TCP11L1: variants seen among roughly 807,000 people sequenced by gnomAD.
TCP11L1 encodes t-complex 11 like 1, also known as T-complex protein 11-like protein 1.
Under a neutral mutation model 48.9 loss-of-function variants are expected in TCP11L1, and 28 were observed. That is an observed-to-expected ratio of 0.57 (90% CI 0.42 to 0.78). The LOEUF is 0.78. Ranked by LOEUF, TCP11L1 falls within the 30% of genes least tolerant of loss-of-function variation. The probability of loss-of-function intolerance (pLI) is 0.00; values close to 1 mark genes in which losing one functional copy is unlikely to be tolerated. For synonymous variants in TCP11L1, 204 were observed against 231.9 expected (o/e 0.88, Z 1.09); for missense variants, 505 against 613.4 (o/e 0.82, Z 1.87).
chr11:33,053,158 T>C (rs1854213248), intron 2 of TCP11L1, among the ~76,000 whole-genome samples: 2 of 151,100 alleles, frequency 1.3e-5, no homozygotes, highest in Admixed American at 6.6e-5. Flanking sequence ...TTTTTTTTTT[T>C]TTTTTTGAGA....
chr11:33,054,790 T>C (rs927324685), intron 3 of TCP11L1, 65 bp downstream of exon 3: 3 of 1,545,192 alleles, frequency 1.9e-6, no homozygotes, highest in Non-Finnish European at 2.6e-6. Context: ...TGAAAATGTT[T>C]CCTTCAGTTG....
chr11:33,065,745 G>A, intron 7 of TCP11L1, 85 bp from the exon 8 acceptor site: 1 of 1,442,810 alleles, frequency 6.9e-7, no homozygotes, highest in Non-Finnish European at 9.5e-7. Flanking sequence ...AGCTGCAGAG[G>A]CAGGTGTGGG....
chr11:33,069,220 G>T (rs187762829), intron 9 of TCP11L1, among the ~76,000 whole-genome samples: 1 of 152,152 alleles, frequency 6.6e-6, no homozygotes, highest in Non-Finnish European at 1.5e-5. Context: ...AGCGCTTTCC[G>T]TAGTGCCTGG....
intron 2 of TCP11L1, among the ~76,000 whole-genome samples, chr11:33,046,672 A>G (rs1193332905): frequency 6.6e-6 from 1 of 152,228 alleles, no homozygotes; most frequent in Non-Finnish European, 1.5e-5. Flanking sequence ...CAGGGCTATA[A>G]ACCCAAAAGA....
Position 33,057,102 on chromosome 11 carries a change from T to C in TCP11L1, c.297-13T>C. 2 of 1,607,292 alleles carry C rather than the reference T, an allele frequency of 1.2e-6. No homozygotes were observed. Among genetic ancestry groups the C allele is most frequent in the African/African-American group, 2.7e-5 (2 of 74,712 alleles). On this transcript the variant is annotated splice_polypyrimidine_tract_variant and intron_variant, in intron 3 of 9. Transcript: ENST00000334274. ...GGTTTTTGCCCCCCTCCTTTTTTTT[T>C]TCACTGCCCCAGCTTGAAGAAGAGA...
chr11:33,053,691 T>C (rs1042945552), intron 2 of TCP11L1, among the ~76,000 whole-genome samples: 1 of 152,206 alleles, frequency 6.6e-6, no homozygotes, highest in African/African-American at 2.4e-5. Context: ...GTGTCACACA[T>C]CTTTTGATCT....
At chr11:33,070,461 A>G (rs1854749204) in intron 9 of TCP11L1, among the ~76,000 whole-genome samples, 1 of 152,126 alleles carries the variant, frequency 6.6e-6, no homozygotes, top group African/African-American at 2.4e-5. Flanking sequence ...CGAGCCGGGC[A>G]GTTCACCTGA....
intron 2 of TCP11L1, among the ~76,000 whole-genome samples, chr11:33,045,258 C>CAGGA (rs1296657635): frequency 1.3e-5 from 2 of 150,854 alleles, no homozygotes; most frequent in African/African-American, 4.9e-5. Context: ...GGGGCTAAGG[C>CAGGA]AGGAGGATCA....
chr11:33,061,754 C>T, intron 7 of TCP11L1, 28 bp downstream of exon 7: 1 of 1,547,454 alleles, frequency 6.5e-7, no homozygotes, highest in Non-Finnish European at 8.8e-7. Flanking sequence ...TCTCACTACT[C>T]ATATTTGTTT....
chr11:33,065,793 C>G (rs367550893), intron 7 of TCP11L1, 37 bp from the exon 8 acceptor site: 3 of 1,593,302 alleles, frequency 1.9e-6, no homozygotes, highest in Non-Finnish European at 2.6e-6. Flanking sequence ...CCAACCTGGA[C>G]CTGCAGCTCA....
In TCP11L1 at chr11:33,072,567, G is replaced by C. The variant is rs985198173; in HGVS notation, c.1421G>C (p.Arg474Thr). The change falls in exon 10 of 10, where the codon AGA becomes ACA. Residue 474 changes from arginine to threonine, a missense_variant. Arg to Thr is a moderately conservative substitution (Grantham distance 71). This residue lies in a region of TCP11L1 where 335 missense variants were observed against 413.3 expected (regional missense o/e 0.81). Transcript: ENST00000334274. ...CCTGGGGGACTCAGTCCAGTTCAGA[G>C]AGAGCTGGAGGAAGTTGCTATTAAA... The part of the protein sequence containing the change: ...TVPGGLSPVQ[R>T]ELEEVAIKFA... 6.2e-7 allele frequency: 1 copy of C among 1,614,060 alleles called. No homozygotes were observed. Among genetic ancestry groups the C allele is most frequent in the African/African-American group, 1.3e-5 (1 of 74,926 alleles).
At chr11:33,064,854 A>G (rs1854568041) in intron 7 of TCP11L1, among the ~76,000 whole-genome samples, 1 of 152,202 alleles carries the variant, frequency 6.6e-6, no homozygotes, top group Admixed American at 6.5e-5. Flanking sequence ...ATTCACAGGC[A>G]TAATCGTAGT....
intron 3 of TCP11L1, 130 bp downstream of exon 3, chr11:33,054,855 T>A (rs1447999249): frequency 8.5e-7 from 1 of 1,179,078 alleles, no homozygotes; most frequent in East Asian, 2.7e-5. Flanking sequence ...TAAAAAATAT[T>A]CCTGAACAAG....
chr11:33,073,156 T>G lies in TCP11L1; in HGVS notation c.*480T>G, dbSNP rs1036623333. 6.4e-6 allele frequency: 1 copy of G among 156,738 alleles called. No individual in the cohort carries two copies. Among genetic ancestry groups the G allele is most frequent in the Non-Finnish European group, 1.4e-5 (1 of 70,556 alleles). The allele number at this position is 156,738 out of a possible 1,614,324, so 9.7% of individuals were successfully genotyped here. A position where few individuals can be genotyped will look rare whatever the true frequency, so the allele number is the denominator to read the frequency against. On this transcript the variant is annotated 3_prime_UTR_variant, in exon 10 of 10. Transcript: ENST00000334274. ...GTTAGAAGGGCTATATAACGTCTTA[T>G]TGCCATTTTCTCCCCCTATTTATTG... is the stretch of plus-strand genomic sequence containing the variant.
intron 2 of TCP11L1, among the ~76,000 whole-genome samples, chr11:33,050,840 G>T (rs1381343819): frequency 6.6e-6 from 1 of 150,658 alleles, no homozygotes. Flanking sequence ...TTTAGACAAG[G>T]TCTCTATCTG....
intron 5 of TCP11L1, among the ~76,000 whole-genome samples, chr11:33,058,596 T>G (rs1854383805): frequency 1.3e-5 from 2 of 151,956 alleles, no homozygotes. Flanking sequence ...AAAGAAGACA[T>G]TTACTCATAA....
intron 8 of TCP11L1, 99 bp from the exon 9 acceptor site, chr11:33,068,588 C>G (rs1460141342): frequency 7.0e-7 from 1 of 1,425,634 alleles, no homozygotes; most frequent in African/African-American, 1.4e-5. Flanking sequence ...ACACACAAAT[C>G]CAGTTATTGG....
At chr11:33,043,989 C>T (rs764235739) in intron 2 of TCP11L1, 53 bp downstream of exon 2, 621 of 1,512,984 alleles carry the variant, frequency 4.1e-4, no homozygotes, top group Middle Eastern at 5.3e-4. Flanking sequence ...TTTCAGGTGA[C>T]GGTTTTATGA....
chr11:33,058,166 G>C, intron 5 of TCP11L1, 27 bp downstream of exon 5: 1 of 1,560,244 alleles, frequency 6.4e-7, no homozygotes, highest in South Asian at 1.2e-5. Flanking sequence ...ATCATACTCC[G>C]TGCAACTACA....
Sources: allele counts gnomAD v4.1 joint callset (sites outside exome capture counted in the v4.1 genomes callset), GRCh38; gene constraint gnomAD v4.1.1; regional missense constraint gnomAD v4.1.1; transcripts MANE v1.5; gene names NCBI Gene and HGNC (gene_info 2026-07-23, HGNC 2026-07-21).